The following MARCHF4 variants were observed in gnomAD, a reference collection of about 807,000 sequenced individuals.
MARCHF4 encodes membrane associated ring-CH-type finger 4, also known as E3 ubiquitin-protein ligase MARCHF4.
MARCHF4 carries 14 observed loss-of-function variants against 43.9 expected under a neutral mutation model. The observed-to-expected ratio is 0.32, with a 90% CI of 0.21 to 0.50. The LOEUF (loss-of-function observed/expected upper bound fraction) is 0.50. Ranked by LOEUF, MARCHF4 falls within the 20% of genes least tolerant of loss-of-function variation. The pLI is 0.98. For missense variants in MARCHF4, 468 were observed against 536.7 expected (o/e 0.87, Z 1.27); for synonymous variants, 226 against 213.3 (o/e 1.06, Z -0.52).
intron 1 of MARCHF4, among the ~76,000 whole-genome samples, chr2:216,367,322 C>T (rs552740878): frequency 4.6e-5 from 7 of 151,864 alleles, no homozygotes; most frequent in Non-Finnish European, 1.0e-4. Context: ...CCTCCCTCCT[C>T]CTCCTCCTTC....
In MARCHF4 at chr2:216,322,587, C is replaced by T. The variant is rs569050787; in HGVS notation, c.517-38858G>A. Among the ~76,000 whole-genome samples the T allele has an allele frequency of 3.3e-5, 5 of 152,278 alleles. No individual in the cohort carries two copies. In the East Asian group the frequency reaches 5.8e-4, roughly 18 times the overall value. Reference sequence around the variant, plus strand: ...CTGTAATCTCAACACTTTGGGAGGCCGAGGCAGGCGGATCACCTGAGATCA... The same window carrying T: ...CTGTAATCTCAACACTTTGGGAGGCTGAGGCAGGCGGATCACCTGAGATCA... On this transcript the variant is annotated intron_variant, in intron 1 of 3. Transcript: ENST00000273067.
At chr2:216,295,875 C>T (rs1039478967) in intron 1 of MARCHF4, among the ~76,000 whole-genome samples, 6 of 152,216 alleles carry the variant, frequency 3.9e-5, no homozygotes, top group South Asian at 2.1e-4. Flanking sequence ...TGACTGGGTG[C>T]GGTGGCTCAC....
intron 1 of MARCHF4, among the ~76,000 whole-genome samples, chr2:216,336,581 G>C (rs1692159682): frequency 6.6e-6 from 1 of 151,876 alleles, no homozygotes; most frequent in Non-Finnish European, 1.5e-5. Context: ...TCTTTGGCTT[G>C]TTCTATCTGT....
At chr2:216,366,245 G>C (rs1574489623) in intron 1 of MARCHF4, among the ~76,000 whole-genome samples, 1 of 152,300 alleles carries the variant, frequency 6.6e-6, no homozygotes, top group South Asian at 2.1e-4. Flanking sequence ...TATATAACTT[G>C]TTCAGGCCTC....
At chr2:216,341,473 G>A (rs1325270832) in intron 1 of MARCHF4, among the ~76,000 whole-genome samples, 2 of 152,176 alleles carry the variant, frequency 1.3e-5, no homozygotes, top group Non-Finnish European at 2.9e-5. Context: ...TGTGCAAAGG[G>A]TAGCATCTGG....
In MARCHF4 at chr2:216,259,246, C is replaced by A; in HGVS notation, c.*66G>T. Reference sequence around the variant, plus strand: ...CCCTCTGTTGGCTCTGGGGGTGCCACTGCACCTCCCCACCCTGCTCCGGGC... The same window carrying A: ...CCCTCTGTTGGCTCTGGGGGTGCCAATGCACCTCCCCACCCTGCTCCGGGC... On this transcript the variant is annotated 3_prime_UTR_variant, in exon 4 of 4. Transcript: ENST00000273067. 9 of 1,496,456 alleles carry A rather than the reference C, an allele frequency of 6.0e-6. No individual in the cohort carries two copies. Among genetic ancestry groups the A allele is most frequent in the Non-Finnish European group, 8.0e-6 (9 of 1,125,640 alleles). 92.7% of individuals were successfully genotyped at this position (1,496,456 alleles called of 1,614,324 possible).
At chr2:216,348,825 T>G (rs1692359246) in intron 1 of MARCHF4, among the ~76,000 whole-genome samples, 1 of 152,194 alleles carries the variant, frequency 6.6e-6, no homozygotes, top group Non-Finnish European at 1.5e-5. Flanking sequence ...CACTGCACAA[T>G]GATCAGAATC....
chr2:216,267,277 T>C (rs1349050233), intron 3 of MARCHF4, among the ~76,000 whole-genome samples: 1 of 152,158 alleles, frequency 6.6e-6, no homozygotes, highest in Non-Finnish European at 1.5e-5. Context: ...ATTTAAGAAA[T>C]GGGTCTAGGG....
chr2:216,283,166 G>A (rs1409424855), intron 2 of MARCHF4, among the ~76,000 whole-genome samples: 2 of 151,956 alleles, frequency 1.3e-5, no homozygotes, highest in East Asian at 3.9e-4. Context: ...TTTGTTTCCT[G>A]TTCTCTTCTG....
chr2:216,307,340 C>T (rs1691604027), intron 1 of MARCHF4, among the ~76,000 whole-genome samples: 1 of 151,816 alleles, frequency 6.6e-6, no homozygotes, highest in African/African-American at 2.4e-5. Context: ...TCCTTTTTTA[C>T]AACAAATTAC....
At chr2:216,277,549 C>T in intron 3 of MARCHF4, 123 bp downstream of exon 3, 1 of 1,032,998 alleles carries the variant, frequency 9.7e-7, no homozygotes, top group East Asian at 2.5e-5. Context: ...CTCCTGAGCT[C>T]CCAGTTCTCA....
intron 1 of MARCHF4, among the ~76,000 whole-genome samples, chr2:216,290,058 T>G (rs1443258088): frequency 6.6e-6 from 1 of 152,190 alleles, no homozygotes; most frequent in Non-Finnish European, 1.5e-5. Context: ...CTGCAGTGAA[T>G]GGAACTGACT....
chr2:216,276,474 G>A (rs1400156033), intron 3 of MARCHF4, among the ~76,000 whole-genome samples: 2 of 152,220 alleles, frequency 1.3e-5, no homozygotes, highest in African/African-American at 2.4e-5. Context: ...TTTAGCTAAT[G>A]TGGAGAGACA....
chr2:216,285,042 C>T (rs1463745289), intron 1 of MARCHF4, among the ~76,000 whole-genome samples: 3 of 152,176 alleles, frequency 2.0e-5, no homozygotes, highest in Admixed American at 1.3e-4. Flanking sequence ...TCCCTGTCTA[C>T]CCACGAGAGG....
intron 1 of MARCHF4, among the ~76,000 whole-genome samples, 178 bp downstream of exon 1, chr2:216,369,567 A>C (rs144901540): frequency 1.3e-4 from 20 of 152,360 alleles, no homozygotes; most frequent in African/African-American, 4.6e-4. Flanking sequence ...AACAGGCTCC[A>C]CCAGGAACCA....
chr2:216,348,354 A>G (rs574549612), intron 1 of MARCHF4, among the ~76,000 whole-genome samples: 1 of 152,228 alleles, frequency 6.6e-6, no homozygotes, highest in African/African-American at 2.4e-5. Context: ...AGGCATTCTT[A>G]GTAACATAAT....
chr2:216,329,015 A>T (rs887670462), intron 1 of MARCHF4, among the ~76,000 whole-genome samples: 10 of 152,088 alleles, frequency 6.6e-5, no homozygotes, highest in African/African-American at 2.4e-4. Flanking sequence ...CAAGAACGAA[A>T]TTCCGTCTCA....
At chr2:216,268,002 C>A (rs755065511) in intron 3 of MARCHF4, among the ~76,000 whole-genome samples, 1 of 152,178 alleles carries the variant, frequency 6.6e-6, no homozygotes, top group Admixed American at 6.5e-5. Context: ...GGAGTTAACA[C>A]GGAATCTAGA....
intron 3 of MARCHF4, among the ~76,000 whole-genome samples, chr2:216,263,560 A>G (rs1257790209): frequency 4.2e-4 from 64 of 151,672 alleles, no homozygotes; most frequent in Admixed American, 2.0e-3. Context: ...AGAAAGAAGA[A>G]AAAGAAAGAA....
Sources: allele counts gnomAD v4.1 joint callset (sites outside exome capture counted in the v4.1 genomes callset), GRCh38; gene constraint gnomAD v4.1.1; transcripts MANE v1.5; gene names NCBI Gene and HGNC (gene_info 2026-07-23, HGNC 2026-07-21).